Variants in ZNF70 observed in about 807,000 individuals in gnomAD.
ZNF70 encodes the protein zinc finger protein 70.
In ZNF70, 18 loss-of-function variants were observed where a neutral mutation model predicts 37.7. The ratio of observed to expected loss-of-function variants is 0.48; its 90% CI spans 0.33 to 0.71. ZNF70 has a LOEUF of 0.71. Ranked by LOEUF, ZNF70 falls within the 30% of genes least tolerant of loss-of-function variation. The pLI, the probability that ZNF70 is intolerant of heterozygous loss-of-function variation, is 0.02. For missense variants in ZNF70, 506 were observed against 568.6 expected (o/e 0.89, Z 1.12); for synonymous variants, 219 against 220.1 (o/e 0.99, Z 0.05).
chr22:23,749,132 G>T (rs577734485), intron 1 of ZNF70, among the ~76,000 whole-genome samples: 75 of 151,746 alleles, frequency 4.9e-4, no homozygotes, highest in African/African-American at 1.6e-3. Context: ...GGAGGCCGAG[G>T]TGGGTGGATC....
chr22:23,745,153 A>G lies in ZNF70; in HGVS notation c.-13T>C. The G allele has an allele frequency of 1.9e-6, 3 of 1,607,400 alleles. No individual in the cohort carries two copies. Among genetic ancestry groups the G allele is most frequent in the Middle Eastern group, 3.3e-4 (2 of 6,036 alleles). On this transcript the variant is annotated 5_prime_UTR_variant, in exon 2 of 2. Coordinates refer to ENST00000341976, the MANE Select transcript of ZNF70 (RefSeq NM_021916.4). ...GGGGAACCTCCATTGTGAATCTGCT[A>G]TCATCCCCAATGGTTGTATTTCTTT...
chr22:23,743,984 TG>T lies in ZNF70; in HGVS notation c.1156del (p.His386ThrfsTer49). ...SSALIQHQRIHTGKKPYTCEC... is the reference protein window; with the variant it reads ...SSALIQHQRIXTGKKPYTCEC... The stretch of plus-strand genomic sequence containing the variant: ...GCAGGTGTAGGGCTTCTTGCCGGTG[TG>T]GATTCTCTGGTGCTGGATCAGCGCA... On this transcript the variant is annotated frameshift_variant, in exon 2 of 2. Transcript: ENST00000341976. LOFTEE classifies it high-confidence loss of function. 2 of 1,614,148 alleles carry T rather than the reference TG, an allele frequency of 1.2e-6. No individual in the cohort carries two copies. The highest frequency in any genetic ancestry group is 1.7e-6 in the Non-Finnish European group (2 of 1,180,024).
chr22:23,746,619 G>T (rs1925131569), intron 1 of ZNF70, among the ~76,000 whole-genome samples: 1 of 151,614 alleles, frequency 6.6e-6, no homozygotes, highest in Admixed American at 6.6e-5. Context: ...TTTGAGATAG[G>T]CTCTTGCCCG....
rs1409744797 is a variant in ZNF70, at chr22:23,744,482, C to CCG, written c.657_658dup (p.Gly220AlafsTer49). Reference sequence around the variant, plus strand: ...TTCCCTGCACTCGTAGGGCCTCTTTCCGGTGTGGATCTTTTGGTGTTGCGT... The same window carrying CCG: ...TTCCCTGCACTCGTAGGGCCTCTTTCCGCGGTGTGGATCTTTTGGTGTTGCGT... On this transcript the variant is annotated frameshift_variant, in exon 2 of 2. Coordinates refer to ENST00000341976, the MANE Select transcript of ZNF70 (RefSeq NM_021916.4). LOFTEE classifies it high-confidence loss of function. The CCG allele has an allele frequency of 6.2e-7, 1 of 1,613,964 alleles. No individual in the cohort carries two copies. Among genetic ancestry groups the CCG allele is most frequent in the East Asian group, 2.2e-5 (1 of 44,862 alleles).
At chr22:23,747,645 C>T (rs923551508) in intron 1 of ZNF70, among the ~76,000 whole-genome samples, 2 of 152,070 alleles carry the variant, frequency 1.3e-5, no homozygotes, top group African/African-American at 4.8e-5. Flanking sequence ...TCCTGGCTAA[C>T]ACGGTGAAAC....
At chr22:23,746,818 A>G (rs940543626) in intron 1 of ZNF70, among the ~76,000 whole-genome samples, 7 of 152,000 alleles carry the variant, frequency 4.6e-5, no homozygotes, top group African/African-American at 1.7e-4. Flanking sequence ...TCCCCCCAAC[A>G]CTTCTAATTT....
At position 23,739,263 on chromosome 22, in the gene ZNF70, C is replaced by T. The variant is rs1174799607; in HGVS notation, c.*4537G>A. The T allele has an allele frequency of 1.3e-5, 2 of 151,444 alleles. No individual in the cohort carries two copies. Among genetic ancestry groups the T allele is most frequent in the South Asian group, 2.1e-4 (1 of 4,818 alleles). 9.4% of individuals were successfully genotyped at this position (151,444 alleles called of 1,614,324 possible). A position where few individuals can be genotyped will look rare whatever the true frequency, so the allele number is the denominator to read the frequency against. ...GCAGCAATACCCTAAGCATTCATCACTTAGAAATTTTTTTTATATATATTT... is the reference window on the plus strand; with the variant it reads ...GCAGCAATACCCTAAGCATTCATCATTTAGAAATTTTTTTTATATATATTT... On this transcript the variant is annotated 3_prime_UTR_variant, in exon 2 of 2. Transcript: ENST00000341976.
rs1378123440 is a variant in ZNF70 at position 23,738,850 on chromosome 22, T to C, written c.*4950A>G. 6.6e-6 allele frequency: 1 copy of C among 152,108 alleles called. No homozygotes were observed. The highest frequency in any genetic ancestry group is 2.4e-5 in the African/African-American group (1 of 41,390). The allele number at this position is 152,108 out of a possible 1,614,324, so 9.4% of individuals were successfully genotyped here. A position where few individuals can be genotyped will look rare whatever the true frequency, so the allele number is the denominator to read the frequency against. On this transcript the variant is annotated 3_prime_UTR_variant, in exon 2 of 2. Transcript: ENST00000341976. Reference sequence around the variant, plus strand: ...AACATCAAACTATGATTAGATCAGGTAAATGAGTGTTCTGAACTGCTTTGG... The same window carrying C: ...AACATCAAACTATGATTAGATCAGGCAAATGAGTGTTCTGAACTGCTTTGG...
intron 1 of ZNF70, among the ~76,000 whole-genome samples, chr22:23,746,516 C>A (rs1925129056): frequency 6.6e-6 from 1 of 151,826 alleles, no homozygotes; most frequent in African/African-American, 2.4e-5. Context: ...CTGGTGGTTC[C>A]CTTCTTAGGA....
intron 1 of ZNF70, among the ~76,000 whole-genome samples, chr22:23,749,672 G>A (rs536713976): frequency 2.9e-4 from 44 of 151,926 alleles, no homozygotes; most frequent in Non-Finnish European, 5.0e-4. Flanking sequence ...GAGCTCATGC[G>A]ATCCACCCAT....
chr22:23,745,351 C>A, intron 1 of ZNF70, 132 bp from the exon 2 acceptor site: 1 of 602,656 alleles, frequency 1.7e-6, no homozygotes, highest in Non-Finnish European at 2.9e-6. Context: ...AAGATGATCC[C>A]AAATGAGTTA....
rs1411784656 is a variant in ZNF70, at chr22:23,744,495, T to C, written c.646A>G (p.Lys216Glu). 1.2e-6 allele frequency: 2 copies of C among 1,610,662 alleles called. No individual in the cohort carries two copies. Among genetic ancestry groups the C allele is most frequent in the Non-Finnish European group, 1.7e-6 (2 of 1,178,740 alleles). The change falls in exon 2 of 2, where the codon AAG (lysine) becomes GAG (glutamate). Residue 216 changes from lysine (K) to glutamate (E), a missense_variant. Physicochemically the swap from Lys to Glu is moderately conservative, Grantham distance 56. Coordinates refer to ENST00000341976, the MANE Select transcript of ZNF70 (RefSeq NM_021916.4). ...RQSSALTQHQ[K>E]IHTGKRPYEC... ...TAGGGCCTCTTTCCGGTGTGGATCT[T>C]TTGGTGTTGCGTGAGGGCTGAGCTC...
chr22:23,748,180 CAGAA>C (rs1925195044), intron 1 of ZNF70, among the ~76,000 whole-genome samples: 1 of 129,128 alleles, frequency 7.7e-6, no homozygotes. Flanking sequence ...GTAACTGCCT[CAGAA>C]AAAAAAAAAA....
chr22:23,744,530 GCCTT>G lies in ZNF70; in HGVS notation c.607_610del (p.Lys203ProfsTer64). The G allele has an allele frequency of 1.2e-6, 2 of 1,613,884 alleles. No individual in the cohort carries two copies. The highest frequency in any genetic ancestry group is 1.7e-6 in the Non-Finnish European group (2 of 1,179,936). ...CGTGAGGGCTGAGCTCTGGCGGAAG[GCCTT>G]CCCACACTCCCGGCACTCGTAGGGC... On this transcript the variant is annotated frameshift_variant, in exon 2 of 2. Transcript: ENST00000341976. LOFTEE classifies it high-confidence loss of function.
In ZNF70 at chr22:23,745,222, GA is replaced by G; in HGVS notation, c.-79-4del. ...GCCACACTTACTGTTCTCACAATCTGAAAAGAAAACAGGGAACTCTGTCAAG... is the reference window on the plus strand; with the variant it reads ...GCCACACTTACTGTTCTCACAATCTGAAAGAAAACAGGGAACTCTGTCAAG... On this transcript the variant is annotated splice_region_variant and splice_polypyrimidine_tract_variant and intron_variant, in intron 1 of 1. Transcript: ENST00000341976. 1.4e-6 allele frequency: 2 copies of G among 1,469,728 alleles called. No homozygotes were observed. Among genetic ancestry groups the G allele is most frequent in the Non-Finnish European group, 1.8e-6 (2 of 1,088,546 alleles). The allele number at this position is 1,469,728 out of a possible 1,614,324, so 91.0% of individuals were successfully genotyped here.
rs192581053 is a variant in ZNF70, at chr22:23,741,678, T to C, written c.*2122A>G. 3 of 152,402 alleles carry C rather than the reference T, an allele frequency of 2.0e-5. No homozygotes were observed. The highest frequency in any genetic ancestry group is 7.2e-5 in the African/African-American group (3 of 41,580). 9.4% of individuals were successfully genotyped at this position (152,402 alleles called of 1,614,324 possible). On this transcript the variant is annotated 3_prime_UTR_variant, in exon 2 of 2. Transcript: ENST00000341976. ...ACCCAGTGTTACCATGATGAGTTCA[T>C]GTTAGCCCAGCCATAAATGTTTAGG...
At chr22:23,748,248 A>C (rs949174911) in intron 1 of ZNF70, among the ~76,000 whole-genome samples, 4 of 151,314 alleles carry the variant, frequency 2.6e-5, no homozygotes, top group Non-Finnish European at 5.9e-5. Context: ...TGGAAAAAAA[A>C]ATTTTTTTTG....
chr22:23,749,562 G>A (rs1925255669), intron 1 of ZNF70, among the ~76,000 whole-genome samples: 1 of 148,138 alleles, frequency 6.8e-6, no homozygotes, highest in Non-Finnish European at 1.5e-5. Context: ...AAAGTAGCTG[G>A]GAATACAGGC....
At position 23,744,176 on chromosome 22, in the gene ZNF70, T is replaced by C. The variant is rs878919786; in HGVS notation, c.965A>G (p.Asn322Ser). The change falls in exon 2 of 2, where the codon AAC becomes AGC. Residue 322 changes from asparagine to serine, a missense_variant. Asn to Ser is a conservative substitution (Grantham distance 46). Transcript: ENST00000341976. ...GTGGGTCTTGCGGTGCTCAATGAGG[T>C]TGGAGCTCTGGCTGAAGGCCTTCCC... Reference protein sequence around the residue: ...ECGKAFSQSSNLIEHRKTHTG... With the variant: ...ECGKAFSQSSSLIEHRKTHTG... 2.5e-6 allele frequency: 4 copies of C among 1,613,790 alleles called. No individual in the cohort carries two copies. Among genetic ancestry groups the C allele is most frequent in the African/African-American group, 1.3e-5 (1 of 74,828 alleles).
Sources: allele counts gnomAD v4.1 joint callset (sites outside exome capture counted in the v4.1 genomes callset), GRCh38; gene constraint gnomAD v4.1.1; transcripts MANE v1.5; gene names NCBI Gene and HGNC (gene_info 2026-07-23, HGNC 2026-07-21).